RGSL1: variants seen among roughly 807,000 people sequenced by gnomAD.
RGSL1 encodes the protein regulator of G protein signaling protein-like.
RGSL1 carries 97 observed loss-of-function variants against 124.7 expected under a neutral mutation model. That is an observed-to-expected ratio of 0.78 (90% CI 0.66 to 0.92). The LOEUF (loss-of-function observed/expected upper bound fraction) is 0.92. Among genes scored for constraint, RGSL1 ranks in the 40% least tolerant of loss-of-function variants. The probability of loss-of-function intolerance (pLI) is 0.00; values close to 1 mark genes in which losing one functional copy is unlikely to be tolerated. For synonymous variants in RGSL1, 424 were observed against 438.1 expected, an observed-to-expected ratio of 0.97 and a Z score of 0.40; for missense variants, 1,233 against 1,288.4, an observed-to-expected ratio of 0.96 and a Z score of 0.66.
intron 9 of RGSL1, among the ~76,000 whole-genome samples, chr1:182,514,235 C>T (rs147210687): frequency 6.6e-6 from 1 of 152,270 alleles, no homozygotes; most frequent in African/African-American, 2.4e-5. Flanking sequence ...TCATGGATAG[C>T]TTGCTGTAAT....
In RGSL1 at chr1:182,473,653, T is replaced by C. The variant is rs555376894; in HGVS notation, c.542T>C (p.Val181Ala). 2.6e-6 allele frequency: 4 copies of C among 1,551,740 alleles called. No individual in the cohort carries two copies. The South Asian group carries it at 3.6e-5, about 14-fold the overall frequency. The change falls in exon 6 of 22, where the codon GTG becomes GCG. Residue 181 changes from valine (V) to alanine (A), a missense_variant. By Grantham distance (64) the Val-to-Ala change is moderately conservative. Coordinates refer to ENST00000294854, the MANE Select transcript of RGSL1 (RefSeq NM_001137669.2). ...RREILSHMQK[V>A]ALFKLQSYWL... is the part of the protein sequence containing the mutation. ...GAGATCCTGAGCCACATGCAGAAAG[T>C]GGCTCTGTTCAAACTCCAGAGCTAT...
At chr1:182,456,621 A>C (rs892670950) in intron 2 of RGSL1, among the ~76,000 whole-genome samples, 5 of 152,112 alleles carry the variant, frequency 3.3e-5, no homozygotes, top group Non-Finnish European at 7.4e-5. Flanking sequence ...AAGACCCGTT[A>C]ATCAGTCAAT....
intron 6 of RGSL1, among the ~76,000 whole-genome samples, chr1:182,475,541 A>C (rs543699912): frequency 2.1e-4 from 32 of 152,316 alleles, no homozygotes; most frequent in African/African-American, 7.5e-4. Flanking sequence ...ACAGGAAGCA[A>C]TTACTAGAAC....
Position 182,548,420 on chromosome 1 carries a change from C to G in RGSL1, c.2773C>G (p.Leu925Val), listed in dbSNP as rs1482574070. The G allele has an allele frequency of 7.1e-6, 11 of 1,551,730 alleles. No individual in the cohort carries two copies. The highest frequency in any genetic ancestry group is 9.6e-6 in the Non-Finnish European group (11 of 1,146,996). ...GTCCAAAATGAACATTATCCAAAAACTCTTCCTGAATTCTGACATCCCTCC... is the reference window on the plus strand; with the variant it reads ...GTCCAAAATGAACATTATCCAAAAAGTCTTCCTGAATTCTGACATCCCTCC... ...MRSKMNIIQK[L>V]FLNSDIPPKL... is the part of the protein sequence containing the mutation. Residue 925 changes from leucine to valine, a missense_variant, in exon 16 of 22, where the codon CTC becomes GTC. Leu to Val is a conservative substitution (Grantham distance 32, BLOSUM62 1). Transcript: ENST00000294854.
chr1:182,541,161 C>T (rs1659867818), intron 15 of RGSL1, among the ~76,000 whole-genome samples: 1 of 152,108 alleles, frequency 6.6e-6, no homozygotes, highest in African/African-American at 2.4e-5. Flanking sequence ...TGTAGACACC[C>T]TACTGAGCCA....
At chr1:182,528,742 G>A (rs549719342) in intron 11 of RGSL1, among the ~76,000 whole-genome samples, 69 of 152,254 alleles carry the variant, frequency 4.5e-4, no homozygotes, top group South Asian at 1.2e-3. Flanking sequence ...GCTTTACAGG[G>A]TACAGCCCAA....
chr1:182,545,525 T>A (rs74368972), intron 15 of RGSL1, among the ~76,000 whole-genome samples: 2,665 of 152,270 alleles, frequency 0.018, 86 homozygotes, highest in African/African-American at 0.062. Flanking sequence ...GGCTTCCTTC[T>A]TGCGTGTTAG....
chr1:182,464,118 T>A (rs548649637), intron 4 of RGSL1, among the ~76,000 whole-genome samples: 1 of 151,590 alleles, frequency 6.6e-6, no homozygotes, highest in Admixed American at 6.6e-5. Flanking sequence ...AAAGAAAAAA[T>A]TACAAGGGAA....
intron 12 of RGSL1, among the ~76,000 whole-genome samples, 175 bp downstream of exon 12, chr1:182,530,536 C>T (rs1489125083): frequency 8.7e-6 from 1 of 115,494 alleles, no homozygotes; most frequent in East Asian, 2.4e-4. Flanking sequence ...GACACACACA[C>T]ATACACACAC....
At chr1:182,465,466 G>A (rs1158814353) in intron 4 of RGSL1, among the ~76,000 whole-genome samples, 1 of 135,532 alleles carries the variant, frequency 7.4e-6, no homozygotes. Context: ...CCTATCATGG[G>A]GTGGGGGGAG....
chr1:182,539,515 C>T (rs1225670485), intron 14 of RGSL1, among the ~76,000 whole-genome samples: 1 of 152,154 alleles, frequency 6.6e-6, no homozygotes, highest in Non-Finnish European at 1.5e-5. Context: ...CTGAACAGCA[C>T]TCCAGAATAA....
Position 182,474,344 on chromosome 1 carries a change from T to C in RGSL1, c.1233T>C (p.Ser411=), listed in dbSNP as rs1313183158. ...GGCAGGACTTGCAGCATTTCCTCAG[T>C]GTCCTTCTGAATAACAAAAAGAATG... The part of the protein sequence containing the change: ...DLWQDLQHFL[S]VLLNNKKNGN... The change falls in exon 6 of 22, where the codon AGT becomes AGC. Residue 411 remains serine, a synonymous_variant. Transcript: ENST00000294854. 6.4e-7 allele frequency: 1 copy of C among 1,551,740 alleles called. No homozygotes were observed. Among genetic ancestry groups the C allele is most frequent in the East Asian group, 2.4e-5 (1 of 40,932 alleles).
At chr1:182,523,233 G>C (rs1658490416) in intron 10 of RGSL1, among the ~76,000 whole-genome samples, 1 of 149,664 alleles carries the variant, frequency 6.7e-6, no homozygotes, top group African/African-American at 2.5e-5. Context: ...TAGAGACTGG[G>C]TCTTGCCCTG....
chr1:182,524,732 G>C (rs1285100425), intron 10 of RGSL1, among the ~76,000 whole-genome samples: 1 of 152,168 alleles, frequency 6.6e-6, no homozygotes, highest in African/African-American at 2.4e-5. Flanking sequence ...CCACAAAAAA[G>C]CCAATGACCA....
chr1:182,517,882 G>A (rs1160653197), intron 9 of RGSL1, among the ~76,000 whole-genome samples: 2 of 152,016 alleles, frequency 1.3e-5, no homozygotes, highest in African/African-American at 2.4e-5. Context: ...TTATTTTCAG[G>A]TTCCTTGTTT....
intron 10 of RGSL1, among the ~76,000 whole-genome samples, chr1:182,525,597 A>C (rs112285148): frequency 0.011 from 1,654 of 152,260 alleles, 31 homozygotes; most frequent in African/African-American, 0.038. Flanking sequence ...TTGAAATATA[A>C]AGACAGAAAA....
At chr1:182,511,271 T>C (rs909556272) in intron 9 of RGSL1, among the ~76,000 whole-genome samples, 9 of 152,126 alleles carry the variant, frequency 5.9e-5, no homozygotes, top group African/African-American at 2.2e-4. Flanking sequence ...TTCAAGAGAT[T>C]CTCCTGCCTC....
chr1:182,523,110 A>C lies in RGSL1; in HGVS notation c.1931+1001A>C, dbSNP rs186315865. ...GAGTGCAGTGGCTCAATCACAGCTC[A>C]TTGCAGCCTCGACCTCCCTAGGCTC... On this transcript the variant is annotated intron_variant, in intron 10 of 21. Coordinates refer to ENST00000294854, the MANE Select transcript of RGSL1 (RefSeq NM_001137669.2). Among the ~76,000 whole-genome samples the C allele has an allele frequency of 3.2e-3, 481 of 151,168 alleles. 1 individual carries two copies. Among genetic ancestry groups the C allele is most frequent in the Admixed American group, 6.4e-3 (97 of 15,168 alleles).
intron 8 of RGSL1, among the ~76,000 whole-genome samples, chr1:182,490,428 CT>C (rs1489112472): frequency 6.6e-6 from 1 of 152,148 alleles, no homozygotes; most frequent in Non-Finnish European, 1.5e-5. Flanking sequence ...ACATCCGGCT[CT>C]TTTTTAAAAC....
Sources: gnomAD v4.1 joint callset for allele counts (sites outside exome capture counted in the v4.1 genomes callset) on GRCh38, gnomAD v4.1.1 for gene constraint, MANE v1.5 for transcripts, NCBI Gene and HGNC (gene_info 2026-07-23, HGNC 2026-07-21) for gene names.